Variants in UBE2W observed in about 807,000 individuals in gnomAD.
UBE2W encodes the protein ubiquitin conjugating enzyme E2 W, also known as ubiquitin-conjugating enzyme E2 W.
A neutral mutation model predicts 27.2 loss-of-function variants in UBE2W; 18 were observed. The observed-to-expected ratio is 0.66, with a 90% CI of 0.46 to 0.98. The LOEUF (loss-of-function observed/expected upper bound fraction) is 0.98, where lower values mean the gene tolerates loss of function less well. Ranked by LOEUF, UBE2W falls within the 50% of genes least tolerant of loss-of-function variation. The probability of loss-of-function intolerance (pLI) is 0.00; values close to 1 mark genes in which losing one functional copy is unlikely to be tolerated. For synonymous variants in UBE2W, 53 were observed against 57.2 expected (o/e 0.93, Z 0.33); for missense variants, 90 against 180.2 (o/e 0.50, Z 2.87).
chr8:73,825,033 T>C lies in UBE2W; in HGVS notation c.210+114A>G, dbSNP rs998852992. On this transcript the variant is annotated intron_variant, in intron 3 of 5. Coordinates refer to ENST00000602593, the MANE Select transcript of UBE2W (RefSeq NM_018299.6). The stretch of plus-strand genomic sequence containing the variant: ...TTATATGACAAATAAGATAATGAAA[T>C]AACAAATCCATCTACATACGTATAA... The C allele has an allele frequency of 1.3e-4, 79 of 624,744 alleles. No homozygotes were observed. The East Asian group carries it at 2.1e-3, about 17-fold the overall frequency. The allele number at this position is 624,744 out of a possible 1,614,324, so 38.7% of individuals were successfully genotyped here.
intron 5 of UBE2W, among the ~76,000 whole-genome samples, chr8:73,797,863 C>T (rs551668242): frequency 2.6e-5 from 4 of 152,310 alleles, no homozygotes; most frequent in African/African-American, 4.8e-5. Flanking sequence ...TTAAGTTACA[C>T]GGGGTGAGCA....
chr8:73,870,212 TTTTA>T (rs769482843), intron 1 of UBE2W: 38 of 1,540,838 alleles, frequency 2.5e-5, no homozygotes, highest in Non-Finnish European at 3.3e-5. Flanking sequence ...TAGCTCACAA[TTTTA>T]TTTGACTAAT....
intron 1 of UBE2W, among the ~76,000 whole-genome samples, chr8:73,859,528 T>A (rs1403697905): frequency 2.6e-5 from 4 of 152,194 alleles, no homozygotes; most frequent in Non-Finnish European, 4.4e-5. Flanking sequence ...CGCTCATGAT[T>A]TTCTTAATAA....
At chr8:73,797,916 C>A (rs1808486472) in intron 5 of UBE2W, among the ~76,000 whole-genome samples, 2 of 152,192 alleles carry the variant, frequency 1.3e-5, no homozygotes, top group South Asian at 4.1e-4. Flanking sequence ...ATCAACATGA[C>A]ACCACAAGTG....
intron 1 of UBE2W, among the ~76,000 whole-genome samples, chr8:73,837,093 G>C (rs549300502): frequency 6.6e-6 from 1 of 152,164 alleles, no homozygotes; most frequent in Non-Finnish European, 1.5e-5. Flanking sequence ...GCCATCAATT[G>C]TAAGATGCAT....
chr8:73,820,663 G>A (rs1415232249), intron 3 of UBE2W, among the ~76,000 whole-genome samples: 2 of 152,028 alleles, frequency 1.3e-5, no homozygotes, highest in African/African-American at 4.8e-5. Context: ...AATGGTTTAA[G>A]CCCAGGAGGC....
In UBE2W at chr8:73,790,786, C is replaced by A; in HGVS notation, c.*3316G>T. 1 of 981,144 alleles carries A rather than the reference C, an allele frequency of 1.0e-6. No individual in the cohort carries two copies. Among genetic ancestry groups the A allele is most frequent in the Non-Finnish European group, 1.2e-6 (1 of 826,150 alleles). The allele number at this position is 981,144 out of a possible 1,614,324, so 60.8% of individuals were successfully genotyped here. ...AAACAAGTAATATGTAGTTACATAACCATTTTCATATCACTACTCATTTCC... is the reference window on the plus strand; with the variant it reads ...AAACAAGTAATATGTAGTTACATAAACATTTTCATATCACTACTCATTTCC... On this transcript the variant is annotated 3_prime_UTR_variant, in exon 6 of 6. Transcript: ENST00000602593.
chr8:73,859,527 T>G (rs1378250203), intron 1 of UBE2W, among the ~76,000 whole-genome samples: 1 of 152,176 alleles, frequency 6.6e-6, no homozygotes, highest in African/African-American at 2.4e-5. Flanking sequence ...TCGCTCATGA[T>G]TTTCTTAATA....
chr8:73,859,341 A>C (rs1811448850), intron 1 of UBE2W, among the ~76,000 whole-genome samples: 1 of 152,168 alleles, frequency 6.6e-6, no homozygotes, highest in African/African-American at 2.4e-5. Flanking sequence ...CCTCATCTCT[A>C]CTAAAAATAC....
At chr8:73,869,705 A>C (rs1182123775) in intron 1 of UBE2W, among the ~76,000 whole-genome samples, 2 of 151,998 alleles carry the variant, frequency 1.3e-5, no homozygotes, top group African/African-American at 4.8e-5. Flanking sequence ...GAAAAAAAAA[A>C]CTACAAAAAT....
chr8:73,781,628 T>TA (rs991379519), downstream of UBE2W, among the ~76,000 whole-genome samples: 30 of 151,242 alleles, frequency 2.0e-4, no homozygotes, highest in Non-Finnish European at 2.5e-4. Flanking sequence ...GGTTTTTTTT[T>TA]TTTTTTTTTA....
At chr8:73,840,723 T>C (rs1423666817) in intron 1 of UBE2W, among the ~76,000 whole-genome samples, 2 of 152,190 alleles carry the variant, frequency 1.3e-5, no homozygotes, top group African/African-American at 4.8e-5. Context: ...TGAACCCGCA[T>C]ACAGGTAAGT....
intron 1 of UBE2W, among the ~76,000 whole-genome samples, chr8:73,836,815 T>C (rs938582472): frequency 2.0e-5 from 3 of 152,188 alleles, no homozygotes; most frequent in African/African-American, 7.2e-5. Context: ...AAAACCATCA[T>C]GGCCATACTG....
Position 73,788,858 on chromosome 8 carries a change from C to T in UBE2W, c.*5244G>A, listed in dbSNP as rs1808074049. The T allele has an allele frequency of 1.0e-6, 1 of 985,216 alleles. No homozygotes were observed. Among genetic ancestry groups the T allele is most frequent in the South Asian group, 4.7e-5 (1 of 21,282 alleles). 61.0% of individuals were successfully genotyped at this position (985,216 alleles called of 1,614,324 possible). On this transcript the variant is annotated 3_prime_UTR_variant, in exon 6 of 6. Coordinates refer to ENST00000602593, the MANE Select transcript of UBE2W (RefSeq NM_018299.6). ...TCCTTTTCCCAGTCAACTCCTCACT[C>T]ACCATATTAAAACTGGAGTTCTTGA...
At chr8:73,878,141 C>G (rs892577185) in intron 1 of UBE2W, among the ~76,000 whole-genome samples, 2 of 152,148 alleles carry the variant, frequency 1.3e-5, no homozygotes, top group African/African-American at 2.4e-5. Flanking sequence ...AGGCGGTGGA[C>G]ACGGGGCAGC....
chr8:73,805,208 C>T (rs994717474), intron 5 of UBE2W, among the ~76,000 whole-genome samples: 1 of 150,510 alleles, frequency 6.6e-6, no homozygotes. Flanking sequence ...AATCCCAGAA[C>T]TTTGGGATGC....
Position 73,791,294 on chromosome 8 carries a change from G to A in UBE2W, c.*2808C>T. On this transcript the variant is annotated 3_prime_UTR_variant, in exon 6 of 6. Transcript: ENST00000602593. ...AAAAAAAAAAAAAGAAGGGCATCATGTTCATGATCTAAGCATGCATAAATA... is the reference window on the plus strand; with the variant it reads ...AAAAAAAAAAAAAGAAGGGCATCATATTCATGATCTAAGCATGCATAAATA... 1 of 981,746 alleles carries A rather than the reference G, an allele frequency of 1.0e-6. No individual in the cohort carries two copies. Among genetic ancestry groups the A allele is most frequent in the Non-Finnish European group, 1.2e-6 (1 of 829,080 alleles). 60.8% of individuals were successfully genotyped at this position (981,746 alleles called of 1,614,324 possible).
chr8:73,856,073 T>C (rs1252532423), intron 1 of UBE2W, among the ~76,000 whole-genome samples: 3 of 152,192 alleles, frequency 2.0e-5, no homozygotes, highest in African/African-American at 7.2e-5. Context: ...CATATATCCA[T>C]ATCCTTAAAC....
chr8:73,796,044 C>G (rs1039190325), intron 5 of UBE2W: 3 of 110,918 alleles, frequency 2.7e-5, no homozygotes, highest in African/African-American at 1.0e-4. Context: ...GCCGTGATCC[C>G]TAGCCAACAC....
Sources: allele counts gnomAD v4.1 joint callset (sites outside exome capture counted in the v4.1 genomes callset), GRCh38; gene constraint gnomAD v4.1.1; transcripts MANE v1.5; gene names NCBI Gene and HGNC (gene_info 2026-07-23, HGNC 2026-07-21).